Variants in FGF21 observed in about 807,000 individuals in gnomAD.
FGF21 encodes fibroblast growth factor 21.
A neutral mutation model predicts 13.4 loss-of-function variants in FGF21; 13 were observed. The ratio of observed to expected loss-of-function variants is 0.97; its 90% CI spans 0.63 to 1.54. FGF21 has a LOEUF of 1.54. Among genes scored for constraint, FGF21 ranks in the 40% most tolerant of loss-of-function variants. FGF21 has a pLI of 0.00. For missense variants in FGF21, 303 were observed against 272.4 expected (o/e 1.11, Z -0.79); for synonymous variants, 124 against 123.6 (o/e 1.00, Z -0.02).
At chr19:48,757,820 T>C (rs902030223) in intron 3 of FGF21, 110 bp from the exon 4 acceptor site, 11 of 1,045,080 alleles carry the variant, frequency 1.1e-5, no homozygotes, top group Non-Finnish European at 5.5e-6. Context: ...GAGGAGGCGC[T>C]GGGGGCCTGG....
rs1400610734 is a variant in FGF21 at position 48,758,262 on chromosome 19, A to G, written c.*42A>G. 1.3e-6 allele frequency: 2 copies of G among 1,493,724 alleles called. No homozygotes were observed. The highest frequency in any genetic ancestry group is 1.8e-6 in the Non-Finnish European group (2 of 1,115,028). 92.5% of individuals were successfully genotyped at this position (1,493,724 alleles called of 1,614,324 possible). On this transcript the variant is annotated 3_prime_UTR_variant, in exon 4 of 4. Transcript: ENST00000593756. ...CTATGACATCTCCTCTTTATTTATTAGGTTATTTATCTTATTTATTTTTTT... is the reference window on the plus strand; with the variant it reads ...CTATGACATCTCCTCTTTATTTATTGGGTTATTTATCTTATTTATTTTTTT...
Position 48,756,468 on chromosome 19 carries a change from G to A in FGF21, c.232G>A (p.Glu78Lys), listed in dbSNP as rs746450614. ...TVGGAADQSPESLLQLKALKP... is the reference protein window; with the variant it reads ...TVGGAADQSPKSLLQLKALKP... ...GGGGGGCGCTGCTGACCAGAGCCCC[G>A]AAAGTGAGTGTGGGCCAGAGCCTGG... The change falls in exon 2 of 4, where the codon GAA becomes AAA. Residue 78 changes from glutamate (E) to lysine (K), a missense_variant. By Grantham distance (56) the Glu-to-Lys change is moderately conservative. Coordinates refer to ENST00000593756, the MANE Select transcript of FGF21 (RefSeq NM_019113.4). 12 of 1,611,446 alleles carry A rather than the reference G, an allele frequency of 7.4e-6. 1 individual carries two copies. The highest frequency in any genetic ancestry group is 4.5e-5 in the East Asian group (2 of 44,832).
At position 48,756,323 on chromosome 19, in the gene FGF21, C is replaced by T; in HGVS notation, c.87C>T (p.His29=). 3 of 1,614,076 alleles carry T rather than the reference C, an allele frequency of 1.9e-6. No homozygotes were observed. Among genetic ancestry groups the T allele is most frequent in the Non-Finnish European group, 2.5e-6 (3 of 1,180,042 alleles). The part of the protein sequence containing the change: ...AGLLLGACQA[H]PIPDSSPLLQ... ...TTCTGCTGGGAGCCTGCCAGGCACACCCCATCCCTGACTCCAGTCCTCTCC... is the reference window on the plus strand; with the variant it reads ...TTCTGCTGGGAGCCTGCCAGGCACATCCCATCCCTGACTCCAGTCCTCTCC... The change falls in exon 2 of 4, where the codon CAC becomes CAT. Residue 29 remains histidine (H), a synonymous_variant. Transcript: ENST00000593756.
At chr19:48,756,698 G>A (rs889672662) in intron 2 of FGF21, among the ~76,000 whole-genome samples, 2 of 151,638 alleles carry the variant, frequency 1.3e-5, no homozygotes, top group Non-Finnish European at 2.9e-5. Context: ...GAGGGGCTGG[G>A]GGTCTGGACT....
rs1599769377 is a variant in FGF21, at chr19:48,756,109, A to G, written c.-128A>G. ...GTTCTGTCAGCTGAGGATCCAGCCG[A>G]AAGAGGAGCCAGGCACTCAGGCCAC... is the stretch of plus-strand genomic sequence containing the variant. On this transcript the variant is annotated 5_prime_UTR_variant, in exon 2 of 4. Transcript: ENST00000593756. 1 of 705,832 alleles carries G rather than the reference A, an allele frequency of 1.4e-6. No individual in the cohort carries two copies. Among genetic ancestry groups the G allele is most frequent in the East Asian group, 2.7e-5 (1 of 36,758 alleles). 43.7% of individuals were successfully genotyped at this position (705,832 alleles called of 1,614,324 possible). A position where few individuals can be genotyped will look rare whatever the true frequency, so the allele number is the denominator to read the frequency against.
chr19:48,757,118 C>G (rs1415535032), intron 3 of FGF21, 89 bp downstream of exon 3: 7 of 950,604 alleles, frequency 7.4e-6, no homozygotes, highest in East Asian at 4.8e-5. Context: ...GCTCATCCCC[C>G]CCGGAGCCAG....
intron 3 of FGF21, 44 bp from the exon 4 acceptor site, chr19:48,757,886 G>A: frequency 6.6e-7 from 1 of 1,506,830 alleles, no homozygotes; most frequent in Non-Finnish European, 8.9e-7. Flanking sequence ...CTTACATCAG[G>A]AAAACAGAGG....
At position 48,756,061 on chromosome 19, in the gene FGF21, C is replaced by T; in HGVS notation, c.-176C>T. ...CTGGGTATAAATTCTGGAGCTTCTGCATCTATCCCAAAAAACAAGGGTGTT... is the reference window on the plus strand; with the variant it reads ...CTGGGTATAAATTCTGGAGCTTCTGTATCTATCCCAAAAAACAAGGGTGTT... On this transcript the variant is annotated 5_prime_UTR_variant, in exon 2 of 4. Transcript: ENST00000593756. 2 of 599,918 alleles carry T rather than the reference C, an allele frequency of 3.3e-6. No individual in the cohort carries two copies. The highest frequency in any genetic ancestry group is 4.1e-5 in the South Asian group (2 of 49,068). The allele number at this position is 599,918 out of a possible 1,614,324, so 37.2% of individuals were successfully genotyped here.
In FGF21 at chr19:48,756,921, C is replaced by T; in HGVS notation, c.236-5C>T. 6.2e-7 allele frequency: 1 copy of T among 1,612,122 alleles called. No homozygotes were observed. The highest frequency in any genetic ancestry group is 8.5e-7 in the Non-Finnish European group (1 of 1,178,264). On this transcript the variant is annotated splice_polypyrimidine_tract_variant and splice_region_variant and intron_variant, in intron 2 of 3. Transcript: ENST00000593756. ...TCGAACCACCTTATCGCTTTCACCC[C>T]TTAGGTCTCCTGCAGCTGAAAGCCT...
intron 3 of FGF21, among the ~76,000 whole-genome samples, chr19:48,757,686 A>C (rs1411435962): frequency 9.0e-5 from 12 of 133,850 alleles, no homozygotes; most frequent in Admixed American, 6.1e-4. Context: ...GGGGCCTGGA[A>C]CCCCGGGTCT....
rs1176960463 is a variant in FGF21, at chr19:48,755,567, C to T, written c.-564C>T. The T allele has an allele frequency of 6.6e-6, 1 of 152,248 alleles. No individual in the cohort carries two copies. Among genetic ancestry groups the T allele is most frequent in the Non-Finnish European group, 1.5e-5 (1 of 68,088 alleles). 9.4% of individuals were successfully genotyped at this position (152,248 alleles called of 1,614,324 possible). The stretch of plus-strand genomic sequence containing the variant: ...GGCCCACGGCCAGGTGAGAGGCTTC[C>T]AAGGCAGGATACTTGTGTCTCAGAT... On this transcript the variant is annotated 5_prime_UTR_variant, in exon 1 of 4. An upstream open reading frame in the 5' UTR gains an earlier in-frame stop. Transcript: ENST00000593756.
chr19:48,757,969 C>A lies in FGF21; in HGVS notation c.379C>A (p.Leu127Ile). The A allele has an allele frequency of 6.3e-7, 1 of 1,595,558 alleles. No homozygotes were observed. The highest frequency in any genetic ancestry group is 8.5e-7 in the Non-Finnish European group (1 of 1,170,592). ...TGAGGCCTGCAGCTTCCGGGAGCTG[C>A]TTCTTGAGGACGGATACAATGTTTA... ...DPEACSFREL[L>I]LEDGYNVYQS... The change falls in exon 4 of 4, where the codon CTT becomes ATT. Residue 127 changes from leucine to isoleucine, a missense_variant. Physicochemically the swap from Leu to Ile is conservative, Grantham distance 5. Coordinates refer to ENST00000593756, the MANE Select transcript of FGF21 (RefSeq NM_019113.4).
chr19:48,756,830 G>A, intron 2 of FGF21, 96 bp from the exon 3 acceptor site: 1 of 1,004,564 alleles, frequency 1.0e-6, no homozygotes. Flanking sequence ...GGACTCCCAG[G>A]GCTGGGACAG....
At chr19:48,757,768 C>T (rs551246135) in intron 3 of FGF21, among the ~76,000 whole-genome samples, 162 bp from the exon 4 acceptor site, 188 of 144,052 alleles carry the variant, frequency 1.3e-3, no homozygotes, top group Non-Finnish European at 2.7e-4. Flanking sequence ...ACTCCTGGGT[C>T]GGATGGAGGA....
chr19:48,756,891 G>A lies in FGF21; in HGVS notation c.236-35G>A, dbSNP rs376597188. The A allele has an allele frequency of 3.3e-6, 5 of 1,534,918 alleles. No individual in the cohort carries two copies. In the African/African-American group the frequency reaches 6.8e-5, roughly 21 times the overall value. On this transcript the variant is annotated intron_variant, in intron 2 of 3. Transcript: ENST00000593756. ...TGGTGGGACAGTCCCGGGTGGGAGAGGTCCTCGAACCACCTTATCGCTTTC... is the reference window on the plus strand; with the variant it reads ...TGGTGGGACAGTCCCGGGTGGGAGAAGTCCTCGAACCACCTTATCGCTTTC...
chr19:48,758,178 GGTGGGA>G lies in FGF21; in HGVS notation c.589_594del (p.Val197_Gly198del). On this transcript the variant is annotated inframe_deletion, in exon 4 of 4. Transcript: ENST00000593756. Reference sequence around the variant, plus strand: ...TGGGCTCCTCGGACCCTCTGAGCATGGTGGGACCTTCCCAGGGCCGAAGCCCCAGCT... The same window carrying G: ...TGGGCTCCTCGGACCCTCTGAGCATGCCTTCCCAGGGCCGAAGCCCCAGCT... The G allele has an allele frequency of 6.2e-7, 1 of 1,612,476 alleles. No individual in the cohort carries two copies.
In FGF21 at chr19:48,756,878, C is replaced by T. The variant is rs572130271; in HGVS notation, c.236-48C>T. The T allele has an allele frequency of 3.2e-5, 46 of 1,450,590 alleles. 1 individual carries two copies. In the South Asian group the frequency reaches 5.0e-4, roughly 16 times the overall value. 89.9% of individuals were successfully genotyped at this position (1,450,590 alleles called of 1,614,324 possible). ...GGACAGAGTCGGGTGGTGGGACAGT[C>T]CCGGGTGGGAGAGGTCCTCGAACCA... On this transcript the variant is annotated intron_variant, in intron 2 of 3. Transcript: ENST00000593756.
chr19:48,756,901 C>T, intron 2 of FGF21, 25 bp from the exon 3 acceptor site: 1 of 1,588,474 alleles, frequency 6.3e-7, no homozygotes, highest in Non-Finnish European at 8.6e-7. Context: ...GGTCCTCGAA[C>T]CACCTTATCG....
intron 2 of FGF21, 36 bp from the exon 3 acceptor site, chr19:48,756,890 A>T (rs1345886490): frequency 6.6e-7 from 1 of 1,515,980 alleles, no homozygotes. Context: ...CGGGTGGGAG[A>T]GGTCCTCGAA....
Sources: gnomAD v4.1 joint callset for allele counts (sites outside exome capture counted in the v4.1 genomes callset) on GRCh38, gnomAD v4.1.1 for gene constraint, MANE v1.5 for transcripts, NCBI Gene and HGNC (gene_info 2026-07-23, HGNC 2026-07-21) for gene names.